Variants in CWC22 observed in about 807,000 individuals in gnomAD.
CWC22 encodes the protein pre-mRNA-splicing factor CWC22 homolog.
CWC22 carries 53 observed loss-of-function variants against 117.2 expected under a neutral mutation model. The observed-to-expected ratio is 0.45, with a 90% CI of 0.36 to 0.57. The LOEUF is 0.57. Ranked by LOEUF, CWC22 falls within the 20% of genes least tolerant of loss-of-function variation. CWC22 has a pLI of 0.00. For synonymous variants in CWC22, 360 were observed against 355.6 expected, an observed-to-expected ratio of 1.01 and a Z score of -0.14; for missense variants, 980 against 1,068.8, an observed-to-expected ratio of 0.92 and a Z score of 1.16.
At chr2:179,962,897 G>A (rs1686790488) in intron 13 of CWC22, among the ~76,000 whole-genome samples, 2 of 150,044 alleles carry the variant, frequency 1.3e-5, no homozygotes, top group Admixed American at 6.6e-5. Flanking sequence ...TCACCCTTAG[G>A]GTATAAATAT....
chr2:179,949,518 G>C (rs780605940), intron 19 of CWC22, among the ~76,000 whole-genome samples: 3 of 152,110 alleles, frequency 2.0e-5, no homozygotes, highest in Non-Finnish European at 2.9e-5. Flanking sequence ...GAAAAAGACG[G>C]TCAATTTGAA....
chr2:179,986,937 C>CTG, intron 3 of CWC22, 132 bp from the exon 4 acceptor site: 2 of 479,430 alleles, frequency 4.2e-6, no homozygotes, highest in South Asian at 4.2e-5. Flanking sequence ...TTCTTAACAG[C>CTG]TCATTTTGCT....
intron 5 of CWC22, among the ~76,000 whole-genome samples, chr2:179,979,768 T>A (rs966359924): frequency 6.6e-6 from 1 of 152,306 alleles, no homozygotes; most frequent in Admixed American, 6.5e-5. Context: ...TATTCCACTA[T>A]CTCTAGACAC....
In CWC22 at chr2:179,960,977, T is replaced by C. The variant is rs139850402; in HGVS notation, c.1398-1895A>G. Among the ~76,000 whole-genome samples the C allele has an allele frequency of 8.0e-4, 122 of 152,118 alleles. 1 individual carries two copies. The highest frequency in any genetic ancestry group is 2.6e-3 in the African/African-American group (106 of 41,560). Reference sequence around the variant, plus strand: ...ATTGCCGATTTCTTATATTTTTCTATACTGCTTCCAAGAGGTGAAAGGCGT... The same window carrying C: ...ATTGCCGATTTCTTATATTTTTCTACACTGCTTCCAAGAGGTGAAAGGCGT... On this transcript the variant is annotated intron_variant, in intron 13 of 19. Coordinates refer to ENST00000410053, the MANE Select transcript of CWC22 (RefSeq NM_020943.3).
chr2:179,949,121 G>A (rs1230304770), intron 19 of CWC22, among the ~76,000 whole-genome samples: 3 of 152,198 alleles, frequency 2.0e-5, no homozygotes, highest in Non-Finnish European at 2.9e-5. Flanking sequence ...AGATGCAGGA[G>A]AAAGCAGAAA....
At chr2:179,965,755 C>T (rs1346731555) in intron 12 of CWC22, 123 bp downstream of exon 12, 6 of 810,858 alleles carry the variant, frequency 7.4e-6, no homozygotes, top group Non-Finnish European at 1.1e-5. Context: ...GTCTTCACCT[C>T]CTAGACGCCA....
intron 6 of CWC22, 58 bp downstream of exon 6, chr2:179,978,132 A>G (rs1244243780): frequency 7.2e-7 from 1 of 1,397,318 alleles, no homozygotes. Context: ...TCATGTAGAT[A>G]TTATATTCCT....
chr2:179,975,927 C>T (rs996020466), intron 6 of CWC22, among the ~76,000 whole-genome samples: 8 of 152,124 alleles, frequency 5.3e-5, no homozygotes, highest in African/African-American at 1.7e-4. Context: ...CATGGAACCA[C>T]AAAAAACTCC....
intron 19 of CWC22, 95 bp from the exon 20 acceptor site, chr2:179,945,810 A>C: frequency 1.3e-6 from 1 of 766,734 alleles, no homozygotes; most frequent in Non-Finnish European, 2.0e-6. Context: ...AGGTTTACTA[A>C]CTCAGATAAA....
intron 12 of CWC22, 45 bp from the exon 13 acceptor site, chr2:179,964,673 G>T: frequency 9.9e-7 from 1 of 1,015,162 alleles, no homozygotes; most frequent in Non-Finnish European, 1.5e-6. Context: ...AAATAAATGT[G>T]ATGAAGTTAA....
At chr2:179,953,240 G>C (rs748076136) in intron 16 of CWC22, among the ~76,000 whole-genome samples, 2 of 151,968 alleles carry the variant, frequency 1.3e-5, no homozygotes, top group African/African-American at 4.8e-5. Flanking sequence ...GTTAGATTAC[G>C]AATGCCTATT....
intron 11 of CWC22, among the ~76,000 whole-genome samples, chr2:179,966,301 G>A (rs993264289): frequency 1.3e-5 from 2 of 152,190 alleles, no homozygotes; most frequent in South Asian, 2.1e-4. Context: ...AGGAATAGAA[G>A]TTAGTATATG....
At chr2:179,997,886 T>C (rs1687747001) in intron 1 of CWC22, among the ~76,000 whole-genome samples, 2 of 152,178 alleles carry the variant, frequency 1.3e-5, no homozygotes, top group African/African-American at 4.8e-5. Flanking sequence ...TGGACTTTTT[T>C]CCTACAGGTC....
intron 2 of CWC22, 71 bp downstream of exon 2, chr2:179,993,244 T>C: frequency 9.1e-7 from 1 of 1,104,678 alleles, no homozygotes; most frequent in Non-Finnish European, 1.3e-6. Context: ...ATTACATAAA[T>C]GCATTTATAT....
At position 179,986,702 on chromosome 2, in the gene CWC22, C is replaced by T. The variant is rs1687426506; in HGVS notation, c.199G>A (p.Glu67Lys). ...GAAATTCCCAACACTAACCGTGACT[C>T]CATGCTACTATCATAAGAACGTCCT... ...RRGRSYDSSM[E>K]SRNRDREKRR... is the part of the protein sequence containing the mutation. The change falls in exon 4 of 20, where the codon GAG (glutamate) becomes AAG (lysine). Residue 67 changes from glutamate (E) to lysine (K), a missense_variant. Physicochemically the swap from Glu to Lys is moderately conservative, Grantham distance 56. Coordinates refer to ENST00000410053, the MANE Select transcript of CWC22 (RefSeq NM_020943.3). 6.4e-7 allele frequency: 1 copy of T among 1,569,910 alleles called. No individual in the cohort carries two copies. Among genetic ancestry groups the T allele is most frequent in the Non-Finnish European group, 8.7e-7 (1 of 1,143,476 alleles).
At chr2:180,003,528 A>G (rs2105568180) in intron 1 of CWC22, among the ~76,000 whole-genome samples, 1 of 152,298 alleles carries the variant, frequency 6.6e-6, no homozygotes, top group South Asian at 2.1e-4. Flanking sequence ...CACGTAGTAA[A>G]CCACATTCTG....
intron 11 of CWC22, among the ~76,000 whole-genome samples, chr2:179,968,980 A>G (rs1472000279): frequency 6.6e-6 from 1 of 152,220 alleles, no homozygotes; most frequent in African/African-American, 2.4e-5. Flanking sequence ...CCTTTAATAT[A>G]GTAAATAGCA....
intron 4 of CWC22, among the ~76,000 whole-genome samples, chr2:179,985,923 T>C (rs187066581): frequency 7.9e-5 from 12 of 152,142 alleles, no homozygotes; most frequent in Admixed American, 7.9e-4. Flanking sequence ...ATTCTCACTG[T>C]AAAAACTATT....
chr2:180,003,627 T>C (rs1182078214), intron 1 of CWC22, among the ~76,000 whole-genome samples: 1 of 152,182 alleles, frequency 6.6e-6, no homozygotes, highest in Non-Finnish European at 1.5e-5. Flanking sequence ...GAGGCTCCTG[T>C]AGCCAGGTCT....
Sources: gnomAD v4.1 joint callset for allele counts (sites outside exome capture counted in the v4.1 genomes callset) on GRCh38, gnomAD v4.1.1 for gene constraint, MANE v1.5 for transcripts, NCBI Gene and HGNC (gene_info 2026-07-23, HGNC 2026-07-21) for gene names.